SLC1A1: variants seen among roughly 807,000 people sequenced by gnomAD.
The protein encoded by SLC1A1 is excitatory amino acid transporter 3.
A neutral mutation model predicts 53.3 loss-of-function variants in SLC1A1; 43 were observed. The ratio of observed to expected loss-of-function variants is 0.81; its 90% CI spans 0.63 to 1.04. The LOEUF is 1.04. Among genes scored for constraint, SLC1A1 ranks in the 50% least tolerant of loss-of-function variants. SLC1A1 has a pLI of 0.00. For missense variants in SLC1A1, 748 were observed against 664.9 expected, an observed-to-expected ratio of 1.12 and a Z score of -1.37; for synonymous variants, 307 against 243.2, an observed-to-expected ratio of 1.26 and a Z score of -2.44.
At chr9:4,515,652 C>T (rs1460967160) in intron 1 of SLC1A1, among the ~76,000 whole-genome samples, 2 of 152,220 alleles carry the variant, frequency 1.3e-5, no homozygotes, top group South Asian at 2.1e-4. Context: ...ATCCAGCTGG[C>T]TGAGTTCCTC....
intron 2 of SLC1A1, among the ~76,000 whole-genome samples, chr9:4,550,362 C>T (rs775035797): frequency 4.6e-5 from 7 of 152,164 alleles, no homozygotes; most frequent in Admixed American, 6.5e-5. Context: ...TTGACCTCAA[C>T]CATAGGATCA....
chr9:4,537,547 C>T (rs1329201873), intron 1 of SLC1A1, among the ~76,000 whole-genome samples: 2 of 36,620 alleles, frequency 5.5e-5, no homozygotes, highest in African/African-American at 2.2e-4. Context: ...GCCTGGGCGA[C>T]AGAGCGAGAC....
rs1423949414 is a variant in SLC1A1 at position 4,583,882 on chromosome 9, T to TCTCTCACACA, written c.1328+711_1328+712insTCTCACACAC. Among the ~76,000 whole-genome samples, 43 of 137,044 alleles carry TCTCTCACACA rather than the reference T, an allele frequency of 3.1e-4. No homozygotes were observed. Among genetic ancestry groups the TCTCTCACACA allele is most frequent in the African/African-American group, 1.2e-3 (41 of 35,356 alleles). 89.9% of individuals were successfully genotyped at this position (137,044 alleles called of 152,430 possible). A position where few individuals can be genotyped will look rare whatever the true frequency, so the allele number is the denominator to read the frequency against. ...CTCTCTCTCTCTCTCTCTCTCTCTC[T>TCTCTCACACA]CACACACACACACACACACACACAC... On this transcript the variant is annotated intron_variant, in intron 11 of 11. Transcript: ENST00000262352. This position sits in a 1 kb window ranked among gnomAD's most constrained non-coding sequence, Gnocchi z 4.6.
At chr9:4,538,255 G>T (rs184195823) in intron 1 of SLC1A1, among the ~76,000 whole-genome samples, 1,624 of 152,300 alleles carry the variant, frequency 0.011, 22 homozygotes, top group Non-Finnish European at 0.015. Context: ...ATCAGTACAT[G>T]TAAGATTTAC....
chr9:4,572,660 G>A (rs755580134), intron 7 of SLC1A1, among the ~76,000 whole-genome samples: 20 of 152,108 alleles, frequency 1.3e-4, no homozygotes, highest in African/African-American at 2.4e-4. Flanking sequence ...CGATCCTCCC[G>A]TCTCAGCTAC....
rs543182661 is a variant in SLC1A1, at chr9:4,564,687, T to C, written c.440+229T>C. On this transcript the variant is annotated intron_variant, in intron 4 of 11. Transcript: ENST00000262352. ...CAGGCTTCCGCATCAGGATTTAGGA[T>C]GAACAGAGATGCAGCTACATGTTCC... Among the ~76,000 whole-genome samples, 6 of 152,342 alleles carry C rather than the reference T, an allele frequency of 3.9e-5. No homozygotes were observed. The East Asian group carries it at 9.6e-4, about 24-fold the overall frequency.
At chr9:4,542,024 C>T (rs72687892) in intron 1 of SLC1A1, among the ~76,000 whole-genome samples, 1 of 152,118 alleles carries the variant, frequency 6.6e-6, no homozygotes, top group Non-Finnish European at 1.5e-5. Flanking sequence ...ATAAAGCACA[C>T]CAATTTACAA....
intron 10 of SLC1A1, among the ~76,000 whole-genome samples, chr9:4,582,362 G>T (rs1239832234): frequency 6.6e-6 from 1 of 152,212 alleles, no homozygotes; most frequent in African/African-American, 2.4e-5. Flanking sequence ...AGGAGTAAAT[G>T]CTTGTACCTT....
At chr9:4,548,322 C>T (rs1817652286) in intron 2 of SLC1A1, among the ~76,000 whole-genome samples, 1 of 152,148 alleles carries the variant, frequency 6.6e-6, no homozygotes, top group Admixed American at 6.6e-5. Flanking sequence ...CCTCATGAAT[C>T]CAGCAGGCTG....
At chr9:4,571,347 T>C (rs1441692082) in intron 6 of SLC1A1, among the ~76,000 whole-genome samples, 2 of 152,106 alleles carry the variant, frequency 1.3e-5, no homozygotes, top group Admixed American at 6.5e-5. Context: ...CTGTACATCC[T>C]GCACCACATG....
At chr9:4,517,957 G>T (rs1465216970) in intron 1 of SLC1A1, among the ~76,000 whole-genome samples, 1 of 152,066 alleles carries the variant, frequency 6.6e-6, no homozygotes, top group Non-Finnish European at 1.5e-5. Context: ...GCCGAGCACG[G>T]TGGCTCACGC....
chr9:4,498,818 A>G lies in SLC1A1; in HGVS notation c.91+8048A>G, dbSNP rs576308964. Among the ~76,000 whole-genome samples, 29 of 149,060 alleles carry G rather than the reference A, an allele frequency of 1.9e-4. No individual in the cohort carries two copies. The South Asian group carries it at 2.1e-3, about 11-fold the overall frequency. On this transcript the variant is annotated intron_variant, in intron 1 of 11. Transcript: ENST00000262352. ...TTCATCTGCAAAAAAATATATATAT[A>G]TGTGTGTGTGTGTGTATATATATGA...
At chr9:4,525,857 CAT>C (rs1816239983) in intron 1 of SLC1A1, among the ~76,000 whole-genome samples, 1 of 151,984 alleles carries the variant, frequency 6.6e-6, no homozygotes, top group Admixed American at 6.6e-5. Context: ...AACTGAAACT[CAT>C]ATTTTTTCAA....
In SLC1A1 at chr9:4,583,115, G is replaced by A; in HGVS notation, c.1271G>A (p.Ser424Asn). The A allele has an allele frequency of 6.2e-7, 1 of 1,614,230 alleles. No individual in the cohort carries two copies. Among genetic ancestry groups the A allele is most frequent in the Non-Finnish European group, 8.5e-7 (1 of 1,180,044 alleles). Residue 424 changes from serine to asparagine, a missense_variant, in exon 11 of 12, where the codon AGT (serine) becomes AAT (asparagine). Ser to Asn is a conservative substitution (Grantham distance 46). Transcript: ENST00000262352. The surrounding 1 kb of genome is among the most constrained non-coding windows in gnomAD (Gnocchi z 4.6). Reference protein sequence around the residue: ...AGLVTMVIVLSAVGLPAEDVT... With the variant: ...AGLVTMVIVLNAVGLPAEDVT... Reference sequence around the variant, plus strand: ...CTGGTGACCATGGTGATTGTGCTGAGTGCCGTGGGCCTGCCCGCCGAGGAT... The same window carrying A: ...CTGGTGACCATGGTGATTGTGCTGAATGCCGTGGGCCTGCCCGCCGAGGAT...
intron 4 of SLC1A1, among the ~76,000 whole-genome samples, chr9:4,564,844 C>G (rs931381949): frequency 1.1e-4 from 16 of 152,102 alleles, no homozygotes; most frequent in Admixed American, 4.6e-4. Flanking sequence ...TAAAAAATAC[C>G]AGTTAAAGCA....
intron 1 of SLC1A1, among the ~76,000 whole-genome samples, chr9:4,507,271 A>C (rs1820839006): frequency 6.6e-6 from 1 of 152,046 alleles, no homozygotes; most frequent in African/African-American, 2.4e-5. Context: ...AAGAGTAAAC[A>C]AAATCCTCAA....
At position 4,531,233 on chromosome 9, in the gene SLC1A1, G is replaced by A. The variant is rs1231240022; in HGVS notation, c.92-13334G>A. Among the ~76,000 whole-genome samples the A allele has an allele frequency of 4.6e-5, 7 of 152,210 alleles. 1 individual carries two copies. Among genetic ancestry groups the A allele is most frequent in the Admixed American group, 2.6e-4 (4 of 15,292 alleles). On this transcript the variant is annotated intron_variant, in intron 1 of 11. Transcript: ENST00000262352. ...TGCAGGACAGTGGGTGCAGTGCACCGTGCGTGAGCCGAAGCAGGGCGAGGC... is the reference window on the plus strand; with the variant it reads ...TGCAGGACAGTGGGTGCAGTGCACCATGCGTGAGCCGAAGCAGGGCGAGGC...
intron 1 of SLC1A1, among the ~76,000 whole-genome samples, chr9:4,506,204 G>A (rs2130806879): frequency 6.6e-6 from 1 of 152,254 alleles, no homozygotes. Flanking sequence ...TGATCCACCT[G>A]CCTCAGCCTC....
At chr9:4,554,607 T>C (rs1389447945) in intron 2 of SLC1A1, among the ~76,000 whole-genome samples, 1 of 151,998 alleles carries the variant, frequency 6.6e-6, no homozygotes, top group African/African-American at 2.4e-5. Flanking sequence ...GGAAGGAGCT[T>C]GGTCTGTTCC....
Sources: allele counts gnomAD v4.1 joint callset (sites outside exome capture counted in the v4.1 genomes callset), GRCh38; gene constraint gnomAD v4.1.1; non-coding constraint Gnocchi (gnomAD v3.1); transcripts MANE v1.5; gene names NCBI Gene and HGNC (gene_info 2026-07-23, HGNC 2026-07-21).